FOXP2: variants seen among roughly 807,000 people sequenced by gnomAD.
The protein encoded by FOXP2 is forkhead box protein P2.
A neutral mutation model predicts 115.8 loss-of-function variants in FOXP2; 12 were observed. That is an observed-to-expected ratio of 0.10 (90% CI 0.07 to 0.17). FOXP2 has a LOEUF of 0.17. Among genes scored for constraint, FOXP2 ranks in the 10% least tolerant of loss-of-function variants. The pLI is 1.00. For missense variants in FOXP2, 629 were observed against 843.5 expected (o/e 0.75, Z 3.15); for synonymous variants, 328 against 297.7 (o/e 1.10, Z -1.05).
chr7:114,088,498 CT>C (rs746381693), intron 1 of FOXP2, among the ~76,000 whole-genome samples: 49 of 152,224 alleles, frequency 3.2e-4, no homozygotes, highest in Non-Finnish European at 6.8e-4. Context: ...ACTGGAAGTA[CT>C]GGGAGAGATT....
chr7:114,248,126 A>T (rs555529916), intron 1 of FOXP2, among the ~76,000 whole-genome samples: 4 of 151,954 alleles, frequency 2.6e-5, no homozygotes, highest in African/African-American at 9.6e-5. Context: ...CTCCAATGGT[A>T]TAAGTTCAGT....
intron 1 of FOXP2, among the ~76,000 whole-genome samples, chr7:114,146,619 G>C (rs568849669): frequency 1.3e-4 from 20 of 152,234 alleles, no homozygotes; most frequent in African/African-American, 4.8e-4. Context: ...ATGAAATTTT[G>C]ACAGCATCTT....
At chr7:114,642,162 T>G (rs1183316132) in intron 6 of FOXP2, among the ~76,000 whole-genome samples, 3 of 152,086 alleles carry the variant, frequency 2.0e-5, no homozygotes, top group Non-Finnish European at 4.4e-5. Flanking sequence ...TTGATATTAT[T>G]CTCAGTAATT....
At chr7:114,488,255 C>T (rs1473312408) in intron 2 of FOXP2, among the ~76,000 whole-genome samples, 1 of 152,066 alleles carries the variant, frequency 6.6e-6, no homozygotes, top group Non-Finnish European at 1.5e-5. Context: ...ATACCCACCC[C>T]CATGATTCAG....
At chr7:114,603,394 T>C (rs1803137547) in intron 3 of FOXP2, among the ~76,000 whole-genome samples, 1 of 152,228 alleles carries the variant, frequency 6.6e-6, no homozygotes, top group Non-Finnish European at 1.5e-5. Context: ...GAAAACCTGA[T>C]TTGCCTCCTC....
chr7:114,430,254 G>A (rs1160498614), intron 2 of FOXP2, among the ~76,000 whole-genome samples: 1 of 151,696 alleles, frequency 6.6e-6, no homozygotes, highest in Non-Finnish European at 1.5e-5. Flanking sequence ...TTAAGCAAAA[G>A]TTTTAAATGA....
intron 1 of FOXP2, among the ~76,000 whole-genome samples, chr7:114,416,875 T>C (rs905138825): frequency 2.6e-5 from 4 of 151,906 alleles, no homozygotes; most frequent in Admixed American, 6.6e-5. Flanking sequence ...AATATGGTGC[T>C]CTATTAGAAA....
chr7:114,613,499 C>G (rs1325174659), intron 3 of FOXP2, among the ~76,000 whole-genome samples: 1 of 151,856 alleles, frequency 6.6e-6, no homozygotes, highest in Non-Finnish European at 1.5e-5. Context: ...CAAAGTGAAA[C>G]CCCGTCTCTA....
intron 1 of FOXP2, among the ~76,000 whole-genome samples, chr7:114,173,764 G>T (rs1171143052): frequency 2.6e-5 from 4 of 151,610 alleles, no homozygotes; most frequent in African/African-American, 9.7e-5. Context: ...TGAAATTTTG[G>T]GAATAAAATC....
chr7:114,691,526 C>T lies in FOXP2; in HGVS notation c.*1600C>T. ...ATTGTTGGAATGCTGGTTTTCTTGA[C>T]AATTCCAAACCCCAAAACTATGATA... On this transcript the variant is annotated 3_prime_UTR_variant, in exon 17 of 17. Coordinates refer to ENST00000350908, the MANE Select transcript of FOXP2 (RefSeq NM_014491.4). 2.2e-6 allele frequency: 1 copy of T among 453,966 alleles called. No homozygotes were observed. Among genetic ancestry groups the T allele is most frequent in the South Asian group, 1.6e-5 (1 of 64,462 alleles). 28.1% of individuals were successfully genotyped at this position (453,966 alleles called of 1,614,324 possible). A position where few individuals can be genotyped will look rare whatever the true frequency, so the allele number is the denominator to read the frequency against.
intron 1 of FOXP2, among the ~76,000 whole-genome samples, chr7:114,113,659 A>G (rs576025034): frequency 6.6e-6 from 1 of 152,088 alleles, no homozygotes; most frequent in African/African-American, 2.4e-5. Flanking sequence ...GTGTACTACC[A>G]TATCTGGATA....
At chr7:114,577,454 A>T (rs1801632770) in intron 3 of FOXP2, among the ~76,000 whole-genome samples, 1 of 152,030 alleles carries the variant, frequency 6.6e-6, no homozygotes, top group African/African-American at 2.4e-5. Flanking sequence ...TTATCATAAC[A>T]ATAAGTTTTA....
At chr7:114,305,781 C>T (rs532124295) in intron 2 of FOXP2, among the ~76,000 whole-genome samples, 2 of 152,182 alleles carry the variant, frequency 1.3e-5, no homozygotes, top group South Asian at 4.1e-4. Flanking sequence ...TTTCTAATCA[C>T]TTTACACATA....
chr7:114,493,814 A>T (rs555502654), intron 2 of FOXP2, among the ~76,000 whole-genome samples: 127 of 151,534 alleles, frequency 8.4e-4, no homozygotes, highest in Non-Finnish European at 1.2e-3. Context: ...TGCATCATGG[A>T]GACACTTTGG....
chr7:114,431,623 A>C (rs1794117721), intron 2 of FOXP2, among the ~76,000 whole-genome samples: 1 of 151,902 alleles, frequency 6.6e-6, no homozygotes, highest in South Asian at 2.1e-4. Flanking sequence ...GTGACTGTGC[A>C]TGATCTCATT....
chr7:114,582,607 T>G (rs1007319716), intron 3 of FOXP2, among the ~76,000 whole-genome samples: 1 of 152,224 alleles, frequency 6.6e-6, no homozygotes, highest in Non-Finnish European at 1.5e-5. Context: ...TTCCTTTTCC[T>G]CAGAGTTGAT....
intron 1 of FOXP2, among the ~76,000 whole-genome samples, chr7:114,173,614 T>G (rs538064971): frequency 7.2e-5 from 11 of 152,092 alleles, no homozygotes; most frequent in South Asian, 6.2e-4. Context: ...TATTTTTTTT[T>G]TTGTTTCTCT....
intron 7 of FOXP2, among the ~76,000 whole-genome samples, 177 bp downstream of exon 7, chr7:114,642,800 A>C (rs201038795): frequency 3.3e-5 from 1 of 30,708 alleles, no homozygotes; most frequent in Non-Finnish European, 7.5e-5. Context: ...ATATATATAT[A>C]TATATATATA....
chr7:114,449,520 G>C (rs985998879), intron 2 of FOXP2, among the ~76,000 whole-genome samples: 2 of 151,994 alleles, frequency 1.3e-5, no homozygotes, highest in Admixed American at 1.3e-4. Context: ...GGTCCTAAAA[G>C]TACTAGAAAC....
Sources: gnomAD v4.1 joint callset for allele counts (sites outside exome capture counted in the v4.1 genomes callset) on GRCh38, gnomAD v4.1.1 for gene constraint, MANE v1.5 for transcripts, NCBI Gene and HGNC (gene_info 2026-07-23, HGNC 2026-07-21) for gene names.